The following SYNDIG1L variants were observed in gnomAD, a reference collection of about 807,000 sequenced individuals.
SYNDIG1L encodes synapse differentiation-inducing gene protein 1-like.
SYNDIG1L carries 13 observed loss-of-function variants against 20.1 expected under a neutral mutation model. That is an observed-to-expected ratio of 0.65 (90% CI 0.42 to 1.03). The LOEUF is 1.03. Ranked by LOEUF, SYNDIG1L falls within the 50% of genes least tolerant of loss-of-function variation. The pLI, the probability that SYNDIG1L is intolerant of heterozygous loss-of-function variation, is 0.00. For synonymous variants in SYNDIG1L, 128 were observed against 129.3 expected (o/e 0.99, Z 0.07); for missense variants, 294 against 305.1 (o/e 0.96, Z 0.27).
the SYNDIG1L span, among the ~76,000 whole-genome samples, chr14:74,445,235 G>A: frequency 6.6e-6 from 1 of 152,002 alleles, no homozygotes; most frequent in East Asian, 1.9e-4. Context: ...AGCTTCCTGA[G>A]GCCCTCACCA....
chr14:74,452,065 A>G, the SYNDIG1L span, among the ~76,000 whole-genome samples: 1 of 152,034 alleles, frequency 6.6e-6, no homozygotes, highest in South Asian at 2.1e-4. Context: ...TTAAATGGGC[A>G]AAAGACTTTT....
At chr14:74,420,215 G>C (rs1032945417) in intron 1 of SYNDIG1L, among the ~76,000 whole-genome samples, 3 of 151,932 alleles carry the variant, frequency 2.0e-5, no homozygotes, top group African/African-American at 7.3e-5. Flanking sequence ...TGGCCAACAT[G>C]GTGAAACCCC....
chr14:74,418,094 C>T (rs942318274), intron 1 of SYNDIG1L, among the ~76,000 whole-genome samples: 4 of 152,142 alleles, frequency 2.6e-5, no homozygotes, highest in South Asian at 2.1e-4. Context: ...TTAGAACAGG[C>T]GCTAGACCGT....
At chr14:74,432,876 A>C in the SYNDIG1L span, among the ~76,000 whole-genome samples, 1 of 151,598 alleles carries the variant, frequency 6.6e-6, no homozygotes, top group South Asian at 2.1e-4. Context: ...AGACAGAAGG[A>C]GAGATGGATG....
At chr14:74,446,032 T>C in the SYNDIG1L span, among the ~76,000 whole-genome samples, 1 of 152,318 alleles carries the variant, frequency 6.6e-6, no homozygotes, top group Non-Finnish European at 1.5e-5. Context: ...TATGAAAGTC[T>C]AGTTACATTA....
upstream of SYNDIG1L, among the ~76,000 whole-genome samples, chr14:74,428,168 C>T (rs992349614): frequency 2.6e-5 from 4 of 152,246 alleles, no homozygotes; most frequent in African/African-American, 9.6e-5. Flanking sequence ...AGGCAGTCGC[C>T]TAATCTTCCT....
the SYNDIG1L span, among the ~76,000 whole-genome samples, chr14:74,449,941 G>A: frequency 2.0e-5 from 3 of 152,044 alleles, no homozygotes; most frequent in African/African-American, 7.2e-5. Context: ...AAAACCAAAT[G>A]ATAGTTCTTT....
the SYNDIG1L span, among the ~76,000 whole-genome samples, chr14:74,463,696 A>G: frequency 6.6e-6 from 1 of 152,196 alleles, no homozygotes; most frequent in Admixed American, 6.5e-5. Context: ...ATGGTTTTCA[A>G]GCCTAAGGGG....
rs1437121370 is a variant in SYNDIG1L at position 74,417,369 on chromosome 14, T to C, written c.-57-7568A>G. ...GTGCACTGCCTGGTGGGCTCTGACC[T>C]GATTGGGAGGAGGCATCATGAACAC... On this transcript the variant is annotated intron_variant, in intron 1 of 3. Transcript: ENST00000331628. Among the ~76,000 whole-genome samples the C allele has an allele frequency of 2.0e-5, 3 of 152,178 alleles. No homozygotes were observed. The East Asian group carries it at 5.8e-4, about 29-fold the overall frequency.
intron 2 of SYNDIG1L, among the ~76,000 whole-genome samples, chr14:74,408,345 C>A (rs1363049050): frequency 6.6e-6 from 1 of 152,068 alleles, no homozygotes; most frequent in East Asian, 1.9e-4. Context: ...GGGTGGATCA[C>A]CTGAGGTCAG....
At chr14:74,427,152 A>G (rs1028737840), upstream of SYNDIG1L, among the ~76,000 whole-genome samples, 3 of 112,468 alleles carry the variant, frequency 2.7e-5, no homozygotes, top group African/African-American at 1.1e-4. Context: ...GGGATGCCCT[A>G]TCTTGAGTGT....
At chr14:74,457,237 C>T in the SYNDIG1L span, among the ~76,000 whole-genome samples, 84 of 152,178 alleles carry the variant, frequency 5.5e-4, 2 homozygotes, top group East Asian at 0.015. Context: ...TCCTCCATCC[C>T]TCTCCCTCCC....
the SYNDIG1L span, among the ~76,000 whole-genome samples, chr14:74,448,450 A>G: frequency 6.6e-6 from 1 of 152,222 alleles, no homozygotes; most frequent in Non-Finnish European, 1.5e-5. Context: ...GAACATAACA[A>G]TCTATACAGT....
At chr14:74,476,253 T>C in the SYNDIG1L span, 1 of 600,704 alleles carries the variant, frequency 1.7e-6, no homozygotes, top group Admixed American at 2.9e-5. Flanking sequence ...GCTGCTGGCC[T>C]GCTCTCTGCT....
chr14:74,421,374 A>G (rs2139630460), intron 1 of SYNDIG1L, among the ~76,000 whole-genome samples: 1 of 152,342 alleles, frequency 6.6e-6, no homozygotes, highest in Non-Finnish European at 1.5e-5. Flanking sequence ...TGGAAAAGGT[A>G]AAAGAAAGGT....
chr14:74,422,900 T>C (rs1566585652), intron 1 of SYNDIG1L, among the ~76,000 whole-genome samples: 3 of 152,018 alleles, frequency 2.0e-5, no homozygotes. Context: ...GGTTTCGCCA[T>C]GTTGGCCAGG....
intron 1 of SYNDIG1L, among the ~76,000 whole-genome samples, chr14:74,423,072 C>T (rs1463517912): frequency 1.3e-5 from 2 of 152,128 alleles, no homozygotes; most frequent in Non-Finnish European, 2.9e-5. Context: ...CAAGATCACC[C>T]AATCATGTGC....
the SYNDIG1L span, among the ~76,000 whole-genome samples, chr14:74,443,526 T>G: frequency 6.6e-6 from 1 of 152,198 alleles, no homozygotes; most frequent in African/African-American, 2.4e-5. Context: ...GGCAGTATCC[T>G]GAAAGTCTTG....
At chr14:74,439,061 C>A in the SYNDIG1L span, among the ~76,000 whole-genome samples, 80 of 150,768 alleles carry the variant, frequency 5.3e-4, no homozygotes, top group Middle Eastern at 3.4e-3. Context: ...TTGCAGTGAG[C>A]CGAGATTGTG....
Sources: allele counts gnomAD v4.1 joint callset (sites outside exome capture counted in the v4.1 genomes callset), GRCh38; gene constraint gnomAD v4.1.1; transcripts MANE v1.5; gene names NCBI Gene and HGNC (gene_info 2026-07-23, HGNC 2026-07-21).